The following CHRNA5 variants were observed in gnomAD, a reference collection of about 807,000 sequenced individuals.
CHRNA5 encodes cholinergic receptor nicotinic alpha 5 subunit.
In CHRNA5, 28 loss-of-function variants were observed where a neutral mutation model predicts 41.2. The observed-to-expected ratio is 0.68, with a 90% CI of 0.50 to 0.93. CHRNA5 has a LOEUF of 0.93. Ranked by LOEUF, CHRNA5 falls within the 40% of genes least tolerant of loss-of-function variation. The probability of loss-of-function intolerance (pLI) is 0.00; values close to 1 mark genes in which losing one functional copy is unlikely to be tolerated. For synonymous variants in CHRNA5, 188 were observed against 205.8 expected (o/e 0.91, Z 0.74); for missense variants, 481 against 581.9 (o/e 0.83, Z 1.78).
intron 1 of CHRNA5, among the ~76,000 whole-genome samples, chr15:78,577,973 AAC>A (rs1476211703): frequency 2.6e-5 from 4 of 151,464 alleles, no homozygotes; most frequent in Admixed American, 2.6e-4. Flanking sequence ...TTTATCTTTT[AAC>A]CCTTAAATTT....
exon 1 of CHRNA5, chr15:78,565,725 G>A (rs1240087863): frequency 6.8e-6 from 8 of 1,171,552 alleles, no homozygotes; most frequent in Non-Finnish European, 8.4e-6. Context: ...GGGCGATGGC[G>A]GCGCGGGGGT....
chr15:78,587,907 G>A lies in CHRNA5; in HGVS notation c.304-407G>A, dbSNP rs79407675. On this transcript the variant is annotated intron_variant, in intron 3 of 5. Coordinates refer to ENST00000299565, the Ensembl canonical transcript of CHRNA5. ...GAGGTAGGGTAAGGTGTTGAAATAC[G>A]CAGAATGTGCAATAAATCCAACTCC... 1.8e-3 allele frequency among the ~76,000 whole-genome samples: 273 copies of A among 152,274 alleles called. 1 individual carries two copies. The highest frequency in any genetic ancestry group is 0.01 in the Middle Eastern group (3 of 294).
exon 6 of CHRNA5, chr15:78,594,534 C>G (rs1468229633): frequency 6.6e-6 from 1 of 152,068 alleles, no homozygotes; most frequent in African/African-American, 2.4e-5. Flanking sequence ...AAAAATTAGT[C>G]GGGCATGGTA....
At chr15:78,587,648 G>A (rs563374828) in intron 3 of CHRNA5, among the ~76,000 whole-genome samples, 155 of 137,180 alleles carry the variant, frequency 1.1e-3, no homozygotes, top group Non-Finnish European at 1.8e-3. Context: ...AGGTGGAAAT[G>A]GGCAAGAATG....
At chr15:78,576,182 T>TG (rs1252216871) in intron 1 of CHRNA5, among the ~76,000 whole-genome samples, 53 of 152,352 alleles carry the variant, frequency 3.5e-4, no homozygotes, top group Admixed American at 2.6e-3. Context: ...AGTCTCTCTC[T>TG]GTCTCCCTGA....
intron 2 of CHRNA5, among the ~76,000 whole-genome samples, chr15:78,581,705 A>G (rs2052914211): frequency 6.6e-6 from 1 of 152,334 alleles, no homozygotes; most frequent in South Asian, 2.1e-4. Context: ...ATGAGAAAAT[A>G]AAAAGTGACT....
chr15:78,570,558 C>T (rs765942729), intron 1 of CHRNA5, among the ~76,000 whole-genome samples: 1 of 151,394 alleles, frequency 6.6e-6, no homozygotes, highest in Non-Finnish European at 1.5e-5. Context: ...GTGTGAGCCA[C>T]CACGCCCGGC....
intron 1 of CHRNA5, among the ~76,000 whole-genome samples, chr15:78,577,846 G>A (rs12911436): frequency 0.032 from 4,850 of 149,686 alleles, 112 homozygotes; most frequent in Non-Finnish European, 0.051. Context: ...TGGGAGGATC[G>A]CTTGAGTCCA....
intron 1 of CHRNA5, among the ~76,000 whole-genome samples, chr15:78,567,136 C>G (rs958676168): frequency 6.6e-6 from 1 of 151,846 alleles, no homozygotes; most frequent in Non-Finnish European, 1.5e-5. Flanking sequence ...GCCTGTAGTC[C>G]CAGCTACTCG....
intron 2 of CHRNA5, among the ~76,000 whole-genome samples, chr15:78,581,168 T>A (rs1268409498): frequency 6.6e-6 from 1 of 152,278 alleles, no homozygotes; most frequent in African/African-American, 2.4e-5. Flanking sequence ...AGAAACTGTT[T>A]ATCTCAATTT....
rs1197967773 is a variant in CHRNA5, at chr15:78,588,482, T to G, written c.413+59T>G. 4 of 794,778 alleles carry G rather than the reference T, an allele frequency of 5.0e-6. No homozygotes were observed. Among genetic ancestry groups the G allele is most frequent in the Non-Finnish European group, 7.4e-6 (4 of 538,016 alleles). 49.2% of individuals were successfully genotyped at this position (794,778 alleles called of 1,614,324 possible). The stretch of plus-strand genomic sequence containing the variant: ...CAAAAGAAAACATTTGTATTTCTAT[T>G]AGGCACTAATAATTTTTCTCCCTTT... On this transcript the variant is annotated intron_variant, in intron 4 of 5. Transcript: ENST00000299565. The surrounding 1 kb of genome is among the most constrained non-coding windows in gnomAD (Gnocchi z 4.1).
intron 2 of CHRNA5, 29 bp from the exon 3 acceptor site, chr15:78,586,616 A>T (rs1188309868): frequency 7.7e-7 from 1 of 1,290,876 alleles, no homozygotes; most frequent in East Asian, 2.3e-5. Flanking sequence ...AATTGAAATC[A>T]ATCTTATTTA....
chr15:78,572,383 GTCTAATGCACTCATAATGA>G (rs760593176), intron 1 of CHRNA5, among the ~76,000 whole-genome samples: 2 of 152,198 alleles, frequency 1.3e-5, no homozygotes, highest in South Asian at 2.1e-4. Flanking sequence ...CTTAAATAAA[GTCTAATGCACTCATAATGA>G]TCACTTTGCA....
At chr15:78,593,352 C>T in exon 6 of CHRNA5, 2 of 1,200,620 alleles carry the variant, frequency 1.7e-6, no homozygotes, top group South Asian at 3.8e-5. Context: ...AAATTTAGTG[C>T]AAGCTTTAAC....
intron 4 of CHRNA5, 70 bp from the exon 5 acceptor site, chr15:78,589,735 G>T: frequency 8.2e-7 from 1 of 1,212,134 alleles, no homozygotes; most frequent in Non-Finnish European, 1.2e-6. Flanking sequence ...TTTTATATTA[G>T]GCTTATATTA....
chr15:78,586,520 T>C (rs1467425921), intron 2 of CHRNA5, 125 bp from the exon 3 acceptor site: 25 of 592,244 alleles, frequency 4.2e-5, no homozygotes, highest in Non-Finnish European at 2.4e-5. Context: ...GAGAACCAGA[T>C]TGATGAATGA....
intron 1 of CHRNA5, among the ~76,000 whole-genome samples, chr15:78,570,426 T>TTTTTTTTTTTTTTTTTTTG: frequency 7.9e-6 from 1 of 125,976 alleles, no homozygotes; most frequent in Non-Finnish European, 1.6e-5. Context: ...TCCCGGCTAT[T>TTTTTTTTTTTTTTTTTTTG]TTTTTTTTTT....
At chr15:78,579,323 G>A (rs1327656828) in intron 1 of CHRNA5, among the ~76,000 whole-genome samples, 2 of 151,994 alleles carry the variant, frequency 1.3e-5, no homozygotes, top group Non-Finnish European at 1.5e-5. Flanking sequence ...GCACAATCTC[G>A]GCTCACTGCA....
At chr15:78,568,475 TA>T (rs373587608) in intron 1 of CHRNA5, among the ~76,000 whole-genome samples, 40,229 of 151,346 alleles carry the variant, frequency 0.27, 6,291 homozygotes, top group Non-Finnish European at 0.36. Flanking sequence ...ATTTTTTTTT[TA>T]AAATATTACT....
Sources: allele counts gnomAD v4.1 joint callset (sites outside exome capture counted in the v4.1 genomes callset), GRCh38; gene constraint gnomAD v4.1.1; non-coding constraint Gnocchi (gnomAD v3.1); transcripts MANE v1.5; gene names NCBI Gene and HGNC (gene_info 2026-07-23, HGNC 2026-07-21).